Variants in DNAH9 observed in about 807,000 individuals in gnomAD.
DNAH9 encodes the protein DNAH9 variant protein.
Under a neutral mutation model 471.6 loss-of-function variants are expected in DNAH9, and 345 were observed. That is an observed-to-expected ratio of 0.73 (90% CI 0.67 to 0.80). The LOEUF is 0.80. DNAH9 is among the 30% of genes least tolerant of loss of function. The pLI is 0.00. For synonymous variants in DNAH9, 2,093 were observed against 2,123.6 expected (o/e 0.99, Z 0.40); for missense variants, 5,407 against 5,609.2 (o/e 0.96, Z 1.15).
At chr17:11,920,036 T>C (rs946351615) in intron 61 of DNAH9, among the ~76,000 whole-genome samples, 3 of 77,782 alleles carry the variant, frequency 3.9e-5, no homozygotes, top group Non-Finnish European at 7.3e-5. Flanking sequence ...AAGTTCTTTC[T>C]TTTTTTTTTT....
intron 67 of DNAH9, among the ~76,000 whole-genome samples, chr17:11,951,562 A>T (rs1226872281): frequency 1.3e-5 from 2 of 152,040 alleles, no homozygotes; most frequent in Non-Finnish European, 2.9e-5. Context: ...TGACAGGAGG[A>T]CTGCTTGAGG....
chr17:11,952,309 C>CTTTTTTTTTTTTTTT (rs753276964), intron 67 of DNAH9, among the ~76,000 whole-genome samples: 3 of 71,078 alleles, frequency 4.2e-5, no homozygotes, highest in African/African-American at 1.2e-4. Context: ...CCAGCTAATT[C>CTTTTTTTTTTTTTTT]TTTTTTTTTT....
At chr17:11,757,252 T>C (rs1295658168) in intron 34 of DNAH9, among the ~76,000 whole-genome samples, 1 of 152,094 alleles carries the variant, frequency 6.6e-6, no homozygotes, top group African/African-American at 2.4e-5. Flanking sequence ...TGGGCCGGGC[T>C]CTGTGGCTCA....
intron 67 of DNAH9, among the ~76,000 whole-genome samples, chr17:11,956,438 CAG>C (rs1337097376): frequency 3.9e-5 from 6 of 152,002 alleles, no homozygotes; most frequent in Admixed American, 6.6e-5. Flanking sequence ...AACAAGTAGA[CAG>C]AAAACTAATT....
intron 1 of DNAH9, among the ~76,000 whole-genome samples, chr17:11,607,764 T>C (rs566577865): frequency 1.3e-5 from 2 of 152,036 alleles, no homozygotes; most frequent in African/African-American, 2.4e-5. Context: ...GAGATGGGTT[T>C]TTGCCATGTT....
At chr17:11,633,548 C>T (rs2073106713) in intron 8 of DNAH9, among the ~76,000 whole-genome samples, 1 of 152,184 alleles carries the variant, frequency 6.6e-6, no homozygotes, top group Non-Finnish European at 1.5e-5. Flanking sequence ...GCGGCAGGCT[C>T]CATTAGCCAT....
intron 6 of DNAH9, among the ~76,000 whole-genome samples, chr17:11,624,582 C>T (rs910421407): frequency 4.6e-5 from 7 of 152,036 alleles, no homozygotes; most frequent in African/African-American, 1.7e-4. Flanking sequence ...AAATCTGATA[C>T]ATAAATGAGC....
At chr17:11,635,328 C>A (rs1027651699) in intron 8 of DNAH9, among the ~76,000 whole-genome samples, 2 of 143,118 alleles carry the variant, frequency 1.4e-5, no homozygotes, top group African/African-American at 5.2e-5. Flanking sequence ...CACCATGACT[C>A]GCTAATTTTT....
At chr17:11,919,630 G>C (rs1974072024) in intron 61 of DNAH9, among the ~76,000 whole-genome samples, 1 of 152,152 alleles carries the variant, frequency 6.6e-6, no homozygotes, top group Non-Finnish European at 1.5e-5. Flanking sequence ...TCACAAGCTG[G>C]TGATGGTGCC....
chr17:11,785,777 T>C (rs374270624), intron 41 of DNAH9, among the ~76,000 whole-genome samples: 14 of 152,250 alleles, frequency 9.2e-5, no homozygotes, highest in African/African-American at 2.2e-4. Flanking sequence ...GTAAAGGAAC[T>C]GGAATCTAGG....
Position 11,793,551 on chromosome 17 carries a change from A to G in DNAH9, c.8110A>G (p.Ile2704Val). 1 of 1,614,082 alleles carries G rather than the reference A, an allele frequency of 6.2e-7. No homozygotes were observed. Among genetic ancestry groups the G allele is most frequent in the Non-Finnish European group, 8.5e-7 (1 of 1,179,974 alleles). The change falls in exon 42 of 69, where the codon ATA (isoleucine) becomes GTA (valine). Residue 2704 changes from isoleucine (I) to valine (V), a missense_variant. Coordinates refer to ENST00000262442, the MANE Select transcript of DNAH9 (RefSeq NM_001372.4). The stretch of plus-strand genomic sequence containing the variant: ...ATGTGTGAAATCCACATGGGATCTT[A>G]TAAGGCTCTATCTGCATGAATCAAA... ...VECVKSTWDL[I>V]RLYLHESNRV...
intron 17 of DNAH9, among the ~76,000 whole-genome samples, chr17:11,671,291 C>G (rs2073967474): frequency 6.6e-6 from 1 of 152,306 alleles, no homozygotes; most frequent in African/African-American, 2.4e-5. Flanking sequence ...GGTTATTACT[C>G]ACAGTTCCCA....
At chr17:11,936,860 C>T (rs1974729504) in intron 65 of DNAH9, among the ~76,000 whole-genome samples, 1 of 152,122 alleles carries the variant, frequency 6.6e-6, no homozygotes, top group Non-Finnish European at 1.5e-5. Context: ...GTCCTAAGCC[C>T]AATTCACTTG....
At chr17:11,886,475 G>C (rs1440274435) in intron 56 of DNAH9, among the ~76,000 whole-genome samples, 2 of 149,688 alleles carry the variant, frequency 1.3e-5, no homozygotes, top group Non-Finnish European at 3.0e-5. Flanking sequence ...GATTTCCACT[G>C]CTTGGCATTC....
intron 38 of DNAH9, among the ~76,000 whole-genome samples, chr17:11,776,243 G>A (rs937893783): frequency 5.9e-5 from 9 of 151,976 alleles, no homozygotes; most frequent in African/African-American, 2.2e-4. Context: ...GTGGGCAGTT[G>A]CTAATATCAG....
In DNAH9 at chr17:11,894,318, T is replaced by A. The variant is rs182496764; in HGVS notation, c.11284-56T>A. On this transcript the variant is annotated intron_variant, in intron 58 of 68. Transcript: ENST00000262442. The stretch of plus-strand genomic sequence containing the variant: ...TATACTGAGTGACAACCCCTAAGAT[T>A]TCTAGGACTCTGGCTACAAGCTAAA... 8.7e-4 allele frequency: 1,400 copies of A among 1,600,984 alleles called. 6 individuals are homozygous for A. Among genetic ancestry groups the A allele is most frequent in the Non-Finnish European group, 3.1e-4 (363 of 1,172,390 alleles).
At chr17:11,868,201 G>C (rs1972128971) in intron 50 of DNAH9, among the ~76,000 whole-genome samples, 1 of 152,182 alleles carries the variant, frequency 6.6e-6, no homozygotes, top group East Asian at 1.9e-4. Flanking sequence ...GGGAAGTGTA[G>C]GAGGTAAATG....
chr17:11,813,305 G>A (rs1471413784), intron 45 of DNAH9, among the ~76,000 whole-genome samples: 3 of 151,534 alleles, frequency 2.0e-5, no homozygotes, highest in Non-Finnish European at 4.4e-5. Context: ...GAACACTTTT[G>A]TCTTCTAACC....
rs762100072 is a variant in DNAH9, at chr17:11,693,891, C to T, written c.4638C>T (p.Ile1546=). Reference sequence around the variant, plus strand: ...AGGATTCTAAAAGGTTTGAAGGCATCGACATTGACTTTAAAGAGCTAGCTT... The same window carrying T: ...AGGATTCTAAAAGGTTTGAAGGCATTGACATTGACTTTAAAGAGCTAGCTT... ...LPQDSKRFEG[I]DIDFKELAYD... Residue 1546 remains isoleucine, a synonymous_variant, in exon 21 of 69, where the codon ATC becomes ATT. Transcript: ENST00000262442. The T allele has an allele frequency of 5.0e-6, 8 of 1,614,012 alleles. No individual in the cohort carries two copies. The highest frequency in any genetic ancestry group is 2.2e-5 in the East Asian group (1 of 44,864).
Sources: gnomAD v4.1 joint callset for allele counts (sites outside exome capture counted in the v4.1 genomes callset) on GRCh38, gnomAD v4.1.1 for gene constraint, MANE v1.5 for transcripts, NCBI Gene and HGNC (gene_info 2026-07-23, HGNC 2026-07-21) for gene names.